MAP2K3: variants seen among roughly 807,000 people sequenced by gnomAD.
MAP2K3 encodes the protein mitogen-activated protein kinase kinase 3.
A neutral mutation model predicts 46.4 loss-of-function variants in MAP2K3; 30 were observed. That is an observed-to-expected ratio of 0.65 (90% CI 0.48 to 0.88). The LOEUF is 0.88. Among genes scored for constraint, MAP2K3 ranks in the 40% least tolerant of loss-of-function variants. The pLI is 0.00. For synonymous variants in MAP2K3, 189 were observed against 176.3 expected, an observed-to-expected ratio of 1.07 and a Z score of -0.57; for missense variants, 380 against 464.5, an observed-to-expected ratio of 0.82 and a Z score of 1.67.
intron 1 of MAP2K3, among the ~76,000 whole-genome samples, chr17:21,292,248 G>C (rs1019990464): frequency 3.3e-5 from 5 of 152,310 alleles, no homozygotes; most frequent in Non-Finnish European, 7.3e-5. Context: ...AGGCCTCTTT[G>C]TTTCTTCTTT....
intron 1 of MAP2K3, chr17:21,295,489 C>T (rs1976187066): frequency 5.8e-6 from 5 of 855,576 alleles, no homozygotes; most frequent in African/African-American, 5.5e-5. Context: ...GTGATGGTTG[C>T]CACAACGGCT....
chr17:21,313,120 C>T (rs758087675), intron 10 of MAP2K3, among the ~76,000 whole-genome samples: 1 of 152,184 alleles, frequency 6.6e-6, no homozygotes, highest in Admixed American at 6.5e-5. Flanking sequence ...AGTCTGACCC[C>T]TTTAATTGTG....
At chr17:21,308,384 G>A (rs9905206) in intron 9 of MAP2K3, among the ~76,000 whole-genome samples, 3 of 152,424 alleles carry the variant, frequency 2.0e-5, no homozygotes, top group East Asian at 3.8e-4. Flanking sequence ...CTGACCTCAG[G>A]TGATCCACCT....
chr17:21,291,869 G>A lies in MAP2K3; in HGVS notation c.50-6544G>A, dbSNP rs565961798. Among the ~76,000 whole-genome samples, 10 of 152,428 alleles carry A rather than the reference G, an allele frequency of 6.6e-5. No homozygotes were observed. The South Asian group carries it at 8.3e-4, about 13-fold the overall frequency. ...AGCATGGCTTTGTCTTTACAACTCC[G>A]GACCCTTGCTCATCCTTTCCCAGAG... On this transcript the variant is annotated intron_variant, in intron 1 of 11. Transcript: ENST00000342679.
intron 1 of MAP2K3, chr17:21,296,339 G>C (rs1052572703): frequency 1.0e-5 from 5 of 495,648 alleles, no homozygotes; most frequent in African/African-American, 6.0e-5. Context: ...AGCCTCAGAA[G>C]TTCAGAGACT....
chr17:21,290,257 C>T (rs1975849596), intron 1 of MAP2K3, among the ~76,000 whole-genome samples: 1 of 152,202 alleles, frequency 6.6e-6, no homozygotes, highest in Admixed American at 6.5e-5. Flanking sequence ...TTGGCGGTGT[C>T]AGTTGGCAGC....
At chr17:21,304,330 T>A (rs999262484) in intron 7 of MAP2K3, 96 bp from the exon 8 acceptor site, 137 of 1,594,158 alleles carry the variant, frequency 8.6e-5, no homozygotes, top group Non-Finnish European at 6.8e-5. Context: ...ACAGGAGGGG[T>A]CTTGGGCGAG....
chr17:21,300,612 T>C lies in MAP2K3; in HGVS notation c.233T>C (p.Val78Ala), dbSNP rs773794838. Residue 78 changes from valine to alanine, a missense_variant, in exon 4 of 12, where the codon GTA (valine) becomes GCA (alanine). By Grantham distance (64) the Val-to-Ala change is moderately conservative (BLOSUM62 0). This residue lies in a region of MAP2K3 where 294 missense variants were observed against 275.4 expected (regional missense o/e 1.07). Transcript: ENST00000342679. ...SELGRGAYGV[V>A]EKVRHAQSGT... ...CTGGGCCGTGGAGCCTATGGGGTGGTAGAGAAGGTGCGGCACGCCCAGAGC... is the reference window on the plus strand; with the variant it reads ...CTGGGCCGTGGAGCCTATGGGGTGGCAGAGAAGGTGCGGCACGCCCAGAGC... The C allele has an allele frequency of 6.2e-7, 1 of 1,613,126 alleles. No individual in the cohort carries two copies. Among genetic ancestry groups the C allele is most frequent in the Non-Finnish European group, 8.5e-7 (1 of 1,179,604 alleles).
chr17:21,291,453 C>T (rs1437887130), intron 1 of MAP2K3: 1 of 456,528 alleles, frequency 2.2e-6, no homozygotes, highest in Non-Finnish European at 4.4e-6. Flanking sequence ...CAGCACTGGC[C>T]TGTCGACAGT....
chr17:21,298,176 A>G (rs1311589378), intron 1 of MAP2K3, among the ~76,000 whole-genome samples: 1 of 152,310 alleles, frequency 6.6e-6, no homozygotes, highest in Non-Finnish European at 1.5e-5. Flanking sequence ...GGGCTGAGAT[A>G]AGGCCCTGGA....
At chr17:21,298,276 T>C in intron 1 of MAP2K3, 137 bp from the exon 2 acceptor site, 1 of 1,289,382 alleles carries the variant, frequency 7.8e-7, no homozygotes. Context: ...ACGGCCTGGC[T>C]TGGAGAGAGG....
intron 9 of MAP2K3, among the ~76,000 whole-genome samples, chr17:21,306,033 C>T (rs532637974): frequency 2.7e-3 from 412 of 152,304 alleles, no homozygotes; most frequent in African/African-American, 9.4e-3. Flanking sequence ...TGGTGAGAAG[C>T]GCTGGCGGGG....
rs1482278537 is a variant in MAP2K3, at chr17:21,300,609, T to C, written c.230T>C (p.Val77Ala). 5.0e-6 allele frequency: 8 copies of C among 1,612,956 alleles called. No homozygotes were observed. Among genetic ancestry groups the C allele is most frequent in the Non-Finnish European group, 6.8e-6 (8 of 1,179,580 alleles). ...GAACTGGGCCGTGGAGCCTATGGGG[T>C]GGTAGAGAAGGTGCGGCACGCCCAG... The part of the protein sequence containing the change: ...ISELGRGAYG[V>A]VEKVRHAQSG... The change falls in exon 4 of 12, where the codon GTG becomes GCG. Residue 77 changes from valine (V) to alanine (A), a missense_variant. By Grantham distance (64) the Val-to-Ala change is moderately conservative. Coordinates refer to ENST00000342679, the MANE Select transcript of MAP2K3 (RefSeq NM_145109.3).
chr17:21,304,285 TG>T, intron 7 of MAP2K3, 140 bp from the exon 8 acceptor site: 1 of 1,475,678 alleles, frequency 6.8e-7, no homozygotes, highest in Non-Finnish European at 9.3e-7. Flanking sequence ...CTTGGGACCC[TG>T]GTGCAACCTG....
At chr17:21,309,291 C>T (rs576723442) in intron 9 of MAP2K3, among the ~76,000 whole-genome samples, 780 of 152,334 alleles carry the variant, frequency 5.1e-3, no homozygotes, top group Middle Eastern at 0.014. Flanking sequence ...TGTTGGTCAG[C>T]GAGTCACAGG....
chr17:21,298,772 G>T lies in MAP2K3; in HGVS notation c.117-106G>T, dbSNP rs1375353203. 11 of 1,546,996 alleles carry T rather than the reference G, an allele frequency of 7.1e-6. No homozygotes were observed. The African/African-American group carries it at 1.2e-4, about 17-fold the overall frequency. ...GGCCGGAGAAGGCGCCTCCGGGGCA[G>T]GAGGCACCTCGTCCCCACGCCAGGC... On this transcript the variant is annotated intron_variant, in intron 2 of 11. Coordinates refer to ENST00000342679, the MANE Select transcript of MAP2K3 (RefSeq NM_145109.3).
chr17:21,286,127 G>T (rs2144430051), intron 1 of MAP2K3, among the ~76,000 whole-genome samples: 1 of 152,350 alleles, frequency 6.6e-6, no homozygotes, highest in South Asian at 2.1e-4. Flanking sequence ...GGACGTGGGA[G>T]TGTGGTGTGG....
At chr17:21,297,774 G>T (rs1034104921) in intron 1 of MAP2K3, among the ~76,000 whole-genome samples, 1 of 762 alleles carries the variant, frequency 1.3e-3, no homozygotes, top group East Asian at 0.026. Context: ...GTACTGCCCC[G>T]GGACTCTGGC....
chr17:21,296,126 A>G (rs770859796), intron 1 of MAP2K3: 1 of 1,289,606 alleles, frequency 7.8e-7, no homozygotes, highest in Non-Finnish European at 1.0e-6. Context: ...ATGGGCCACA[A>G]CAGGTCCCCA....
Sources: allele counts gnomAD v4.1 joint callset (sites outside exome capture counted in the v4.1 genomes callset), GRCh38; gene constraint gnomAD v4.1.1; regional missense constraint gnomAD v4.1.1; transcripts MANE v1.5; gene names NCBI Gene and HGNC (gene_info 2026-07-23, HGNC 2026-07-21).